Variants in OPALIN observed in about 807,000 individuals in gnomAD.
OPALIN encodes the protein oligodendrocytic myelin paranodal and inner loop protein, also known as transmembrane protein 10.
Under a neutral mutation model 17.8 loss-of-function variants are expected in OPALIN, and 15 were observed. That is an observed-to-expected ratio of 0.84 (90% CI 0.56 to 1.29). The LOEUF is 1.29. Ranked by LOEUF, OPALIN falls within the 50% of genes most tolerant of loss-of-function variation. The probability of loss-of-function intolerance (pLI) is 0.00; values close to 1 mark genes in which losing one functional copy is unlikely to be tolerated. For synonymous variants in OPALIN, 62 were observed against 63.8 expected, an observed-to-expected ratio of 0.97 and a Z score of 0.14; for missense variants, 170 against 176.0, an observed-to-expected ratio of 0.97 and a Z score of 0.19.
chr10:96,356,424 C>A (rs1845820982), intron 1 of OPALIN, among the ~76,000 whole-genome samples: 1 of 152,234 alleles, frequency 6.6e-6, no homozygotes. Flanking sequence ...AAGATCATCT[C>A]TCTCAAAACC....
rs1589382639 is a variant in OPALIN at position 96,345,919 on chromosome 10, G to T, written c.*22C>A. On this transcript the variant is annotated 3_prime_UTR_variant, in exon 6 of 6. Coordinates refer to ENST00000371172, the MANE Select transcript of OPALIN (RefSeq NM_033207.5). ...TCAACCCTGTTCCAGTGCCAGGTCT[G>T]CTGCTCCTTGACTGAGCTGCATCAT... 1 of 1,110,076 alleles carries T rather than the reference G, an allele frequency of 9.0e-7. No individual in the cohort carries two copies. Among genetic ancestry groups the T allele is most frequent in the Non-Finnish European group, 1.2e-6 (1 of 835,780 alleles). The allele number at this position is 1,110,076 out of a possible 1,614,324, so 68.8% of individuals were successfully genotyped here.
chr10:96,350,248 C>A (rs1390589727), intron 3 of OPALIN, among the ~76,000 whole-genome samples: 1 of 152,090 alleles, frequency 6.6e-6, no homozygotes, highest in Non-Finnish European at 1.5e-5. Context: ...TGGAGTCTTG[C>A]TCTGTTGCCC....
At chr10:96,354,253 G>T (rs1267676518) in intron 2 of OPALIN, among the ~76,000 whole-genome samples, 1 of 151,986 alleles carries the variant, frequency 6.6e-6, no homozygotes, top group Non-Finnish European at 1.5e-5. Flanking sequence ...GATCAGCTGT[G>T]GATTGAAACT....
rs573173644 is a variant in OPALIN at position 96,344,518 on chromosome 10, A to T, written c.*1423T>A. 5 of 152,240 alleles carry T rather than the reference A, an allele frequency of 3.3e-5. No homozygotes were observed. The highest frequency in any genetic ancestry group is 7.2e-5 in the African/African-American group (3 of 41,520). 9.4% of individuals were successfully genotyped at this position (152,240 alleles called of 1,614,324 possible). On this transcript the variant is annotated 3_prime_UTR_variant, in exon 6 of 6. Coordinates refer to ENST00000371172, the MANE Select transcript of OPALIN (RefSeq NM_033207.5). ...AAGAGGAGTTACTGGGATAAGAGAA[A>T]GCTGGAGGGTGGCCTCTCCTGGAGT...
At position 96,345,858 on chromosome 10, in the gene OPALIN, G is replaced by T; in HGVS notation, c.*83C>A. ...ATTTGGATTGATTAAGAAGCAGCTT[G>T]GCATCTTTCCTCTCCAAGTACAAAA... On this transcript the variant is annotated 3_prime_UTR_variant, in exon 6 of 6. Coordinates refer to ENST00000371172, the MANE Select transcript of OPALIN (RefSeq NM_033207.5). 7.5e-7 allele frequency: 1 copy of T among 1,334,788 alleles called. No individual in the cohort carries two copies. The highest frequency in any genetic ancestry group is 1.0e-6 in the Non-Finnish European group (1 of 958,682). The allele number at this position is 1,334,788 out of a possible 1,614,324, so 82.7% of individuals were successfully genotyped here. A position where few individuals can be genotyped will look rare whatever the true frequency, so the allele number is the denominator to read the frequency against.
At chr10:96,351,138 G>A (rs117419252) in intron 3 of OPALIN, among the ~76,000 whole-genome samples, 1 of 152,214 alleles carries the variant, frequency 6.6e-6, no homozygotes, top group Non-Finnish European at 1.5e-5. Context: ...TAATATAGAT[G>A]CAAATATAAG....
At chr10:96,358,804 T>C in intron 1 of OPALIN, 90 bp downstream of exon 1, 1 of 1,332,706 alleles carries the variant, frequency 7.5e-7, no homozygotes, top group Admixed American at 1.7e-5. Context: ...ATAAAGTCCC[T>C]TTACTTCATT....
At chr10:96,355,096 CAAAAAAAAAAAAAAAAAAAAAAAAAA>C (rs56995726) in intron 2 of OPALIN, among the ~76,000 whole-genome samples, 133 bp downstream of exon 2, 10 of 45,174 alleles carry the variant, frequency 2.2e-4, no homozygotes, top group East Asian at 8.3e-4. Context: ...GACCTTGTCT[CAAAAAAAAAAAAAAAAAAAAAAAAAA>C]AAAAAAAAAA....
At chr10:96,355,541 T>C (rs1408579025) in intron 1 of OPALIN, among the ~76,000 whole-genome samples, 1 of 152,154 alleles carries the variant, frequency 6.6e-6, no homozygotes, top group Non-Finnish European at 1.5e-5. Flanking sequence ...CAGGATCAGA[T>C]GAAGAGGCAG....
chr10:96,358,252 T>G (rs1845892253), intron 1 of OPALIN, among the ~76,000 whole-genome samples: 1 of 149,998 alleles, frequency 6.7e-6, no homozygotes, highest in South Asian at 2.1e-4. Flanking sequence ...ATATTCTTCT[T>G]TTTGTGTCTG....
At chr10:96,358,623 G>A (rs1845903447) in intron 1 of OPALIN, among the ~76,000 whole-genome samples, 1 of 152,218 alleles carries the variant, frequency 6.6e-6, no homozygotes, top group Non-Finnish European at 1.5e-5. Flanking sequence ...TCGTTGATTA[G>A]ATCCATTGCT....
Position 96,349,722 on chromosome 10 carries a change from G to C in OPALIN, c.177C>G (p.Ser59Arg). 6.2e-7 allele frequency: 1 copy of C among 1,613,932 alleles called. No individual in the cohort carries two copies. The part of the protein sequence containing the change: ...LFTLIHRRRS[S>R]IEAMEESDRP... ...TAGTAATCACCTCCATGGCCTCAAT[G>C]CTGCTTCTTCTTCGGTGAATCAAAG... The change falls in exon 4 of 6, where the codon AGC becomes AGG. Residue 59 changes from serine to arginine, a missense_variant. Coordinates refer to ENST00000371172, the MANE Select transcript of OPALIN (RefSeq NM_033207.5).
rs769752645 is a variant in OPALIN, at chr10:96,356,946, G to A, written c.4-1656C>T. On this transcript the variant is annotated intron_variant, in intron 1 of 5. Transcript: ENST00000371172. Reference sequence around the variant, plus strand: ...GGTGACAACCTCTTTCCACCACTCTGCAAGGCTTCCAAGCAACTCCAGTAG... The same window carrying A: ...GGTGACAACCTCTTTCCACCACTCTACAAGGCTTCCAAGCAACTCCAGTAG... 16 of 985,258 alleles carry A rather than the reference G, an allele frequency of 1.6e-5. No homozygotes were observed. The South Asian group carries it at 7.1e-4, about 43-fold the overall frequency. The allele number at this position is 985,258 out of a possible 1,614,324, so 61.0% of individuals were successfully genotyped here.
intron 2 of OPALIN, among the ~76,000 whole-genome samples, chr10:96,351,735 T>A (rs932598872): frequency 2.0e-5 from 3 of 152,218 alleles, no homozygotes; most frequent in Non-Finnish European, 4.4e-5. Context: ...TGGGCCTACT[T>A]GTCCCCATTG....
At chr10:96,350,401 A>G (rs1254413048) in intron 3 of OPALIN, among the ~76,000 whole-genome samples, 1 of 152,166 alleles carries the variant, frequency 6.6e-6, no homozygotes, top group East Asian at 1.9e-4. Context: ...TTTTTAGTAG[A>G]GATGGGGTTT....
chr10:96,357,050 C>T lies in OPALIN; in HGVS notation c.4-1760G>A, dbSNP rs887283143. ...CTGGGATGACGGTGGAACACAGGGA[C>T]GTCTGGGCCTCTTAGGTCAGGGTCC... is the stretch of plus-strand genomic sequence containing the variant. On this transcript the variant is annotated intron_variant, in intron 1 of 5. Transcript: ENST00000371172. 38 of 985,508 alleles carry T rather than the reference C, an allele frequency of 3.9e-5. No homozygotes were observed. In the South Asian group the frequency reaches 9.9e-4, roughly 26 times the overall value. 61.0% of individuals were successfully genotyped at this position (985,508 alleles called of 1,614,324 possible). A position where few individuals can be genotyped will look rare whatever the true frequency, so the allele number is the denominator to read the frequency against.
chr10:96,358,186 T>TAAAAAAAAAAAAAAA (rs61616596), intron 1 of OPALIN, among the ~76,000 whole-genome samples: 10 of 61,588 alleles, frequency 1.6e-4, no homozygotes, highest in Non-Finnish European at 2.7e-4. Context: ...ATGCTTTTTG[T>TAAAAAAAAAAAAAAA]AAAAAAAAAA....
rs41306852 is a variant in OPALIN, at chr10:96,355,262, G to A, written c.32C>T (p.Ala11Val). 0.015 allele frequency: 24,643 copies of A among 1,613,598 alleles called. 239 individuals carry two copies. Among genetic ancestry groups the A allele is most frequent in the Non-Finnish European group, 0.018 (21,151 of 1,179,780 alleles). The change falls in exon 2 of 6, where the codon GCG (alanine) becomes GTG (valine). Residue 11 changes from alanine (A) to valine (V), a missense_variant. By Grantham distance (64) the Ala-to-Val change is moderately conservative. Coordinates refer to ENST00000371172, the MANE Select transcript of OPALIN (RefSeq NM_033207.5). MSFSLNFTLP[A>V]NTTSSPVTGG... is the part of the protein sequence containing the mutation. Reference sequence around the variant, plus strand: ...GGGGGCTGCTGTACTTACTGTGTTCGCCGGCAGGGTGAAGTTCAGTGAAAA... The same window carrying A: ...GGGGGCTGCTGTACTTACTGTGTTCACCGGCAGGGTGAAGTTCAGTGAAAA...
rs1348622872 is a variant in OPALIN, at chr10:96,345,250, A to G, written c.*691T>C. 1.3e-5 allele frequency: 2 copies of G among 152,228 alleles called. No individual in the cohort carries two copies. Among genetic ancestry groups the G allele is most frequent in the Non-Finnish European group, 2.9e-5 (2 of 68,038 alleles). 9.4% of individuals were successfully genotyped at this position (152,228 alleles called of 1,614,324 possible). A position where few individuals can be genotyped will look rare whatever the true frequency, so the allele number is the denominator to read the frequency against. On this transcript the variant is annotated 3_prime_UTR_variant, in exon 6 of 6. Coordinates refer to ENST00000371172, the MANE Select transcript of OPALIN (RefSeq NM_033207.5). ...TAGCAGACACTTCCCTTTATTTCTT[A>G]TTTAATCTTTTCAATTATGACATGA...
Sources: gnomAD v4.1 joint callset for allele counts (sites outside exome capture counted in the v4.1 genomes callset) on GRCh38, gnomAD v4.1.1 for gene constraint, MANE v1.5 for transcripts, NCBI Gene and HGNC (gene_info 2026-07-23, HGNC 2026-07-21) for gene names.